Variants in DIP2A observed in about 807,000 individuals in gnomAD.
DIP2A encodes DIP2 acetate--CoA ligase A, also known as disco-interacting protein 2 homolog A.
DIP2A carries 85 observed loss-of-function variants against 177.4 expected under a neutral mutation model. The observed-to-expected ratio is 0.48, with a 90% confidence interval of 0.40 to 0.57. The LOEUF is 0.57. Ranked by LOEUF, DIP2A falls within the 20% of genes least tolerant of loss-of-function variation. The probability of loss-of-function intolerance (pLI) is 0.00; values close to 1 mark genes in which losing one functional copy is unlikely to be tolerated. For missense variants in DIP2A, 1,791 were observed against 2,100.2 expected, an observed-to-expected ratio of 0.85 and a Z score of 2.88; for synonymous variants, 886 against 881.8, an observed-to-expected ratio of 1.00 and a Z score of -0.08.
At chr21:46,495,244 T>TCTC (rs2057273584) in intron 3 of DIP2A, among the ~76,000 whole-genome samples, 1 of 38,174 alleles carries the variant, frequency 2.6e-5, no homozygotes. Context: ...CTTCTCTTCT[T>TCTC]TCTCTCTCTC....
rs776649399 is a variant in DIP2A, at chr21:46,557,553, G to A, written c.3630-32G>A. 51 of 1,586,084 alleles carry A rather than the reference G, an allele frequency of 3.2e-5. No homozygotes were observed. The highest frequency in any genetic ancestry group is 2.1e-4 in the South Asian group (19 of 89,474). On this transcript the variant is annotated intron_variant, in intron 30 of 37. Coordinates refer to ENST00000417564, the MANE Select transcript of DIP2A (RefSeq NM_015151.4). The surrounding 1 kb of genome is among the most constrained non-coding windows in gnomAD (Gnocchi z 6.0). ...GGAGTGCCCAGGGTGCTGGGTGGGC[G>A]GGCGGAGCCTCACGAGCCTTCCCTC...
rs200662286 is a variant in DIP2A at position 46,551,753 on chromosome 21, C to T, written c.2949+10C>T. The T allele has an allele frequency of 3.1e-6, 5 of 1,613,932 alleles. No homozygotes were observed. In the South Asian group the frequency reaches 5.5e-5, roughly 18 times the overall value. ...CGACCAGGCACGGAAGGTGACAGGC[C>T]AGTTCCGGGGACGGGTGGACGGGTG... On this transcript the variant is annotated intron_variant, in intron 24 of 37. Transcript: ENST00000417564.
Position 46,529,198 on chromosome 21 carries a change from T to G in DIP2A, c.1194+15T>G, listed in dbSNP as rs540722131. On this transcript the variant is annotated intron_variant, in intron 9 of 37. Transcript: ENST00000417564. ...CTGGAGACAGAGTAAGTAACTAGAATGTCACTTTGTTGGAAGGAGCAAAAG... is the reference window on the plus strand; with the variant it reads ...CTGGAGACAGAGTAAGTAACTAGAAGGTCACTTTGTTGGAAGGAGCAAAAG... 3 of 1,450,016 alleles carry G rather than the reference T, an allele frequency of 2.1e-6. No individual in the cohort carries two copies. Among genetic ancestry groups the G allele is most frequent in the South Asian group, 2.6e-5 (2 of 76,620 alleles). The allele number at this position is 1,450,016 out of a possible 1,614,324, so 89.8% of individuals were successfully genotyped here. A position where few individuals can be genotyped will look rare whatever the true frequency, so the allele number is the denominator to read the frequency against.
intron 1 of DIP2A, among the ~76,000 whole-genome samples, chr21:46,477,767 A>G (rs1448589956): frequency 1.3e-5 from 2 of 148,284 alleles, no homozygotes; most frequent in Non-Finnish European, 3.0e-5. Flanking sequence ...TTTTTTTGGT[A>G]GAGGCAGGGT....
chr21:46,516,379 C>A (rs2058573101), intron 8 of DIP2A, among the ~76,000 whole-genome samples: 2 of 150,940 alleles, frequency 1.3e-5, no homozygotes, highest in Admixed American at 1.3e-4. Flanking sequence ...CTGAGTCCTA[C>A]ATTTTTAATG....
Position 46,498,888 on chromosome 21 carries a change from C to G in DIP2A, c.655+55C>G. ...CCAGCAGAGCGGGGTCAGGAGTGTC[C>G]AGGACAGAGGAGCAGATGGAGGGCA... On this transcript the variant is annotated intron_variant, in intron 5 of 37. Coordinates refer to ENST00000417564, the MANE Select transcript of DIP2A (RefSeq NM_015151.4). The surrounding 1 kb of genome is among the most constrained non-coding windows in gnomAD (Gnocchi z 4.3). The G allele has an allele frequency of 6.5e-7, 1 of 1,528,810 alleles. No homozygotes were observed. Among genetic ancestry groups the G allele is most frequent in the Non-Finnish European group, 8.8e-7 (1 of 1,134,380 alleles). 94.7% of individuals were successfully genotyped at this position (1,528,810 alleles called of 1,614,324 possible).
rs1177247043 is a variant in DIP2A, at chr21:46,547,655, CCTT to C, written c.2522+614_2522+616del. On this transcript the variant is annotated intron_variant, in intron 21 of 37. Transcript: ENST00000417564. ...AAATTTTATTTTTCTCAAGGGGGTG[CCTT>C]TTTTTTTTTTTTTTTTTTTTTTTTA... Among the ~76,000 whole-genome samples, 497 of 102,412 alleles carry C rather than the reference CCTT, an allele frequency of 4.9e-3. 1 individual carries two copies. The highest frequency in any genetic ancestry group is 0.016 in the African/African-American group (440 of 27,306). 67.2% of individuals were successfully genotyped at this position (102,412 alleles called of 152,430 possible).
At chr21:46,497,183 T>C in intron 4 of DIP2A, 76 bp downstream of exon 4, 1 of 1,523,366 alleles carries the variant, frequency 6.6e-7, no homozygotes, top group Non-Finnish European at 8.8e-7. Context: ...TTACTTCCCA[T>C]TGAGTTGGAA....
intron 9 of DIP2A, 67 bp downstream of exon 9, chr21:46,529,250 G>T (rs2059253290): frequency 2.0e-6 from 2 of 978,038 alleles, no homozygotes; most frequent in African/African-American, 3.4e-5. Context: ...CTGTTTCATT[G>T]AAATTAGTGT....
At chr21:46,580,436 T>C in the DIP2A span, among the ~76,000 whole-genome samples, 152,334 of 152,334 alleles carry the variant, frequency 1, 76,167 homozygotes, top group Non-Finnish European at 1. Context: ...GACATTTAGT[T>C]CATTTACATT....
chr21:46,458,997 G>A lies in DIP2A; in HGVS notation c.-135G>A, dbSNP rs1458247926. ...GCGTTGCTGTCCTGGCCGCGCCCCT[G>A]TCCCGCCGCCTCCCGCTCCTCGCCT... On this transcript the variant is annotated 5_prime_UTR_variant, in exon 1 of 38. Transcript: ENST00000417564. The A allele has an allele frequency of 2.8e-6, 2 of 715,210 alleles. No individual in the cohort carries two copies. The highest frequency in any genetic ancestry group is 4.1e-6 in the Non-Finnish European group (2 of 487,980). 44.3% of individuals were successfully genotyped at this position (715,210 alleles called of 1,614,324 possible).
chr21:46,556,935 TA>T lies in DIP2A; in HGVS notation c.3499-2del. The T allele has an allele frequency of 6.4e-7, 1 of 1,554,234 alleles. No individual in the cohort carries two copies. The highest frequency in any genetic ancestry group is 8.7e-7 in the Non-Finnish European group (1 of 1,146,992). ...TTTTTTTTGAACTTTATTTTACTCT[TA>T]AGATGTCGCACGCGGCCACAAGCGC... On this transcript the variant is annotated splice_region_variant and splice_polypyrimidine_tract_variant and intron_variant, in intron 29 of 37. Transcript: ENST00000417564. This position sits in a 1 kb window ranked among gnomAD's most constrained non-coding sequence, Gnocchi z 4.5.
chr21:46,557,667 C>T lies in DIP2A; in HGVS notation c.3712C>T (p.Gln1238Ter), dbSNP rs1197561037. The T allele has an allele frequency of 6.2e-7, 1 of 1,613,508 alleles. No homozygotes were observed. The highest frequency in any genetic ancestry group is 1.1e-5 in the South Asian group (1 of 91,062). ...GTCCCTGTGGCTGTCGGCCGTCAGCCAGTACAAGGCCCGCGTCACCTTCTG... is the reference window on the plus strand; with the variant it reads ...GTCCCTGTGGCTGTCGGCCGTCAGCTAGTACAAGGCCCGCGTCACCTTCTG... The part of the protein sequence containing the change: ...NVSLWLSAVS[Q>*]YKARVTFCSY... Residue 1238 changes from glutamine (Q) to a stop codon, truncating the protein, a stop_gained, in exon 31 of 38, where the codon CAG (glutamine) becomes TAG (stop). Coordinates refer to ENST00000417564, the MANE Select transcript of DIP2A (RefSeq NM_015151.4). LOFTEE classifies it high-confidence loss of function. This position sits in a 1 kb window ranked among gnomAD's most constrained non-coding sequence, Gnocchi z 6.0.
chr21:46,546,990 G>C lies in DIP2A; in HGVS notation c.2470G>C (p.Val824Leu). ...AGTTCGCAGACACAATGCAGATGAC[G>C]TTGTGGCCACCGCACTGGCCGTGGA... ...TGVRRHNADD[V>L]VATALAVEPM... The change falls in exon 21 of 38, where the codon GTT becomes CTT. Residue 824 changes from valine to leucine, a missense_variant. Coordinates refer to ENST00000417564, the MANE Select transcript of DIP2A (RefSeq NM_015151.4). 1 of 1,613,968 alleles carries C rather than the reference G, an allele frequency of 6.2e-7. No individual in the cohort carries two copies. The highest frequency in any genetic ancestry group is 8.5e-7 in the Non-Finnish European group (1 of 1,179,842).
In DIP2A at chr21:46,563,797, G is replaced by A. The variant is rs1159205538; in HGVS notation, c.4090-61G>A. ...TGAGGGACGTTATTTTAATGTCACTGAATCAAGAGAGTCTCGTGTCATGTT... is the reference window on the plus strand; with the variant it reads ...TGAGGGACGTTATTTTAATGTCACTAAATCAAGAGAGTCTCGTGTCATGTT... On this transcript the variant is annotated intron_variant, in intron 34 of 37. Transcript: ENST00000417564. The surrounding 1 kb of genome is among the most constrained non-coding windows in gnomAD (Gnocchi z 4.3). The A allele has an allele frequency of 1.3e-6, 2 of 1,589,946 alleles. No individual in the cohort carries two copies. Among genetic ancestry groups the A allele is most frequent in the African/African-American group, 2.7e-5 (2 of 74,272 alleles).
At chr21:46,536,518 G>A (rs1444449359) in intron 13 of DIP2A, among the ~76,000 whole-genome samples, 2 of 152,232 alleles carry the variant, frequency 1.3e-5, no homozygotes, top group Non-Finnish European at 2.9e-5. Flanking sequence ...AGGAGATGTG[G>A]TGTAGAGTTG....
chr21:46,576,947 A>T, the DIP2A span, among the ~76,000 whole-genome samples: 8 of 152,118 alleles, frequency 5.3e-5, no homozygotes, highest in Non-Finnish European at 8.8e-5. Context: ...GTGTCTGTTC[A>T]TGTCCTTTGC....
chr21:46,490,572 A>T (rs778213639), intron 2 of DIP2A, 28 bp from the exon 3 acceptor site: 1 of 1,540,204 alleles, frequency 6.5e-7, no homozygotes, highest in Non-Finnish European at 8.7e-7. Context: ...TTGTTCACAT[A>T]AGGTATTCCC....
At chr21:46,505,137 G>A (rs1367769101) in intron 6 of DIP2A, among the ~76,000 whole-genome samples, 3 of 152,146 alleles carry the variant, frequency 2.0e-5, no homozygotes, top group Non-Finnish European at 2.9e-5. Flanking sequence ...CAGAGTGTCA[G>A]ATTTTGTTGA....
Sources: gnomAD v4.1 joint callset for allele counts (sites outside exome capture counted in the v4.1 genomes callset) on GRCh38, gnomAD v4.1.1 for gene constraint, Gnocchi (gnomAD v3.1) non-coding constraint, MANE v1.5 for transcripts, NCBI Gene and HGNC (gene_info 2026-07-23, HGNC 2026-07-21) for gene names.